DYSF: variants seen among roughly 807,000 people sequenced by gnomAD.
DYSF encodes the protein dystrophy-associated fer-1-like 1.
DYSF carries 212 observed loss-of-function variants against 274.9 expected under a neutral mutation model. That is an observed-to-expected ratio of 0.77 (90% CI 0.69 to 0.86). DYSF has a LOEUF of 0.86. Ranked by LOEUF, DYSF falls within the 40% of genes least tolerant of loss-of-function variation. The probability of loss-of-function intolerance (pLI) is 0.00; values close to 1 mark genes in which losing one functional copy is unlikely to be tolerated. For synonymous variants in DYSF, 1,091 were observed against 1,078.7 expected, an observed-to-expected ratio of 1.01 and a Z score of -0.22; for missense variants, 2,666 against 2,783.2, an observed-to-expected ratio of 0.96 and a Z score of 0.95.
intron 40 of DYSF, among the ~76,000 whole-genome samples, chr2:71,617,791 G>GTGT: frequency 7.7e-6 from 1 of 129,562 alleles, no homozygotes; most frequent in Non-Finnish European, 1.6e-5. Context: ...TGTGTGTGTG[G>GTGT]TAGAGGTGGG....
intron 3 of DYSF, among the ~76,000 whole-genome samples, chr2:71,483,946 G>A (rs12472313): frequency 0.09 from 13,640 of 151,970 alleles, 723 homozygotes; most frequent in Admixed American, 0.17. Flanking sequence ...GAGGGGCAGA[G>A]GCAGGACAGT....
intron 40 of DYSF, among the ~76,000 whole-genome samples, chr2:71,617,983 AGAGGT>A (rs1452487857): frequency 2.8e-5 from 3 of 105,396 alleles, no homozygotes; most frequent in Admixed American, 1.1e-4. Context: ...TTTGTGTGGT[AGAGGT>A]GAGGTATATG....
At chr2:71,555,894 T>C in intron 21 of DYSF, 71 bp from the exon 22 acceptor site, 1 of 1,254,310 alleles carries the variant, frequency 8.0e-7, no homozygotes, top group Non-Finnish European at 1.1e-6. Context: ...TGACAAGGCC[T>C]GGGGGTTGGG....
intron 39 of DYSF, 105 bp from the exon 40 acceptor site, chr2:71,613,229 G>T: frequency 2.1e-6 from 2 of 950,800 alleles, no homozygotes; most frequent in Non-Finnish European, 1.7e-6. Flanking sequence ...AATGTGGAGA[G>T]ACTGCAGGGT....
At chr2:71,516,394 A>T in intron 9 of DYSF, 152 bp downstream of exon 9, 4 of 781,568 alleles carry the variant, frequency 5.1e-6, no homozygotes, top group Non-Finnish European at 8.8e-6. Flanking sequence ...GTATGTGAGT[A>T]TGTGCGTGAG....
rs1007484095 is a variant in DYSF, at chr2:71,680,933, C to T, written c.6064-68C>T. On this transcript the variant is annotated intron_variant, in intron 53 of 55. Coordinates refer to ENST00000410020, the MANE Select transcript of DYSF (RefSeq NM_001130987.2). ...GAAGTGGCCCTTATGTTTTTTCTGG[C>T]CTGGTTACTCTCCAGGCCACTGAGC... The T allele has an allele frequency of 1.7e-5, 23 of 1,381,292 alleles. 1 individual carries two copies. The Admixed American group carries it at 3.5e-4, about 21-fold the overall frequency. 85.6% of individuals were successfully genotyped at this position (1,381,292 alleles called of 1,614,324 possible).
rs769611004 is a variant in DYSF, at chr2:71,590,253, G to A, written c.3539G>A (p.Arg1180Gln). 16 of 1,614,116 alleles carry A rather than the reference G, an allele frequency of 9.9e-6. No homozygotes were observed. Among genetic ancestry groups the A allele is most frequent in the South Asian group, 3.3e-5 (3 of 91,074 alleles). The change falls in exon 32 of 56, where the codon CGG becomes CAG. Residue 1180 changes from arginine to glutamine, a missense_variant. Around this residue, in one of 3 missense-constraint regions of DYSF, gnomAD observed 1,460 missense variants for 1,502.1 expected, o/e 0.97. Transcript: ENST00000410020. ...CTACGCTGCTACATGTACCAGGCCC[G>A]GGACCTGGCTGCGATGGACAAGGAC... ...YHLRCYMYQA[R>Q]DLAAMDKDSF...
chr2:71,536,723 G>A (rs770379494), intron 16 of DYSF, among the ~76,000 whole-genome samples: 6 of 152,142 alleles, frequency 3.9e-5, no homozygotes, highest in Non-Finnish European at 8.8e-5. Flanking sequence ...CATTTTTATT[G>A]TGAGTCTATT....
At chr2:71,589,547 C>A in intron 30 of DYSF, 46 bp from the exon 31 acceptor site, 1 of 1,558,066 alleles carries the variant, frequency 6.4e-7, no homozygotes, top group Non-Finnish European at 8.9e-7. Flanking sequence ...CCTGCCACCC[C>A]CAGGCCTGGG....
intron 44 of DYSF, among the ~76,000 whole-genome samples, chr2:71,659,445 A>G (rs74458788): frequency 0.011 from 1,693 of 152,276 alleles, 26 homozygotes; most frequent in African/African-American, 0.03. Flanking sequence ...GGGACTCTCA[A>G]TGGTTAATGG....
intron 45 of DYSF, among the ~76,000 whole-genome samples, chr2:71,662,801 G>A (rs1176017710): frequency 2.7e-5 from 4 of 150,644 alleles, no homozygotes; most frequent in African/African-American, 9.8e-5. Context: ...GTGTCTGTGT[G>A]TCTGTGTGTG....
intron 40 of DYSF, 30 bp from the exon 41 acceptor site, chr2:71,620,517 C>G: frequency 6.4e-7 from 1 of 1,551,690 alleles, no homozygotes; most frequent in African/African-American, 1.4e-5. Context: ...TTCTCTAATC[C>G]TGTTGCTAAC....
intron 42 of DYSF, among the ~76,000 whole-genome samples, chr2:71,649,302 G>T (rs1486042274): frequency 6.6e-6 from 1 of 152,108 alleles, no homozygotes; most frequent in Non-Finnish European, 1.5e-5. Context: ...GGACAAAAGA[G>T]TATGGAATAT....
At chr2:71,526,089 A>T in intron 12 of DYSF, 131 bp from the exon 13 acceptor site, 1 of 1,525,558 alleles carries the variant, frequency 6.6e-7, no homozygotes, top group Non-Finnish European at 9.1e-7. Flanking sequence ...ACGCGGTAGT[A>T]AGTGTCGGAG....
At chr2:71,491,740 A>G (rs181479956) in intron 3 of DYSF, among the ~76,000 whole-genome samples, 108 of 152,306 alleles carry the variant, frequency 7.1e-4, no homozygotes, top group African/African-American at 2.4e-3. Context: ...AAAGGACATG[A>G]TCTCATTCTT....
intron 3 of DYSF, among the ~76,000 whole-genome samples, chr2:71,498,769 T>C (rs2084675329): frequency 6.6e-6 from 1 of 152,200 alleles, no homozygotes; most frequent in East Asian, 1.9e-4. Flanking sequence ...AATAAGGGCA[T>C]TTTGGAGATT....
intron 51 of DYSF, among the ~76,000 whole-genome samples, chr2:71,670,522 A>G (rs2095100921): frequency 6.6e-6 from 1 of 152,190 alleles, no homozygotes; most frequent in Admixed American, 6.5e-5. Flanking sequence ...TGTGCCTGCA[A>G]GGCCCACAGC....
chr2:71,611,255 C>T lies in DYSF; in HGVS notation c.3968C>T (p.Thr1323Ile). The change falls in exon 37 of 56, where the codon ACA becomes ATA. Residue 1323 changes from threonine to isoleucine, a missense_variant. Coordinates refer to ENST00000410020, the MANE Select transcript of DYSF (RefSeq NM_001130987.2). ...TGCTGTCCACTGCAGTCTGAGGACA[C>T]AGACCTGCCCTACCCACCACCCCAG... ...TSRILDESEDTDLPYPPPQRE... is the reference protein window; with the variant it reads ...TSRILDESEDIDLPYPPPQRE... 2 of 1,613,572 alleles carry T rather than the reference C, an allele frequency of 1.2e-6. No individual in the cohort carries two copies. Among genetic ancestry groups the T allele is most frequent in the Non-Finnish European group, 1.7e-6 (2 of 1,179,496 alleles).
At chr2:71,553,232 G>C in intron 20 of DYSF, 44 bp downstream of exon 20, 9 of 1,612,470 alleles carry the variant, frequency 5.6e-6, no homozygotes, top group South Asian at 1.1e-5. Context: ...CAGGATCATA[G>C]AGCAGGGGGC....
Sources: allele counts gnomAD v4.1 joint callset (sites outside exome capture counted in the v4.1 genomes callset), GRCh38; gene constraint gnomAD v4.1.1; regional missense constraint gnomAD v4.1.1; transcripts MANE v1.5; gene names NCBI Gene and HGNC (gene_info 2026-07-23, HGNC 2026-07-21).